NAALADL2: variants seen among roughly 807,000 people sequenced by gnomAD.
NAALADL2 encodes the protein inactive N-acetylated-alpha-linked acidic dipeptidase-like protein 2.
A neutral mutation model predicts 87.2 loss-of-function variants in NAALADL2; 76 were observed. The ratio of observed to expected loss-of-function variants is 0.87; its 90% CI spans 0.72 to 1.05. The LOEUF (loss-of-function observed/expected upper bound fraction) is 1.05. NAALADL2 is among the 50% of genes least tolerant of loss of function. NAALADL2 has a pLI of 0.00. For missense variants in NAALADL2, 1,089 were observed against 945.8 expected (o/e 1.15, Z -1.99); for synonymous variants, 354 against 331.0 (o/e 1.07, Z -0.75).
At chr3:174,571,053 G>A (rs968648177) in intron 2 of NAALADL2, among the ~76,000 whole-genome samples, 1 of 152,110 alleles carries the variant, frequency 6.6e-6, no homozygotes, top group Non-Finnish European at 1.5e-5. Context: ...TAGGTCTTGG[G>A]TTGGACCTGA....
At position 175,497,650 on chromosome 3, in the gene NAALADL2, T is replaced by C. The variant is rs375744474; in HGVS notation, c.1653+25892T>C. Among the ~76,000 whole-genome samples the C allele has an allele frequency of 1.3e-3, 204 of 151,498 alleles. 2 individuals carry two copies. The highest frequency in any genetic ancestry group is 4.7e-3 in the African/African-American group (193 of 40,800). ...ATCTAAATTCTCAAGGTCGGTACTGTTCTTTTTTTTATTTTTTTCCTTTGG... is the reference window on the plus strand; with the variant it reads ...ATCTAAATTCTCAAGGTCGGTACTGCTCTTTTTTTTATTTTTTTCCTTTGG... On this transcript the variant is annotated intron_variant, in intron 9 of 13. Transcript: ENST00000454872.
At chr3:175,548,602 T>C (rs767353507) in intron 9 of NAALADL2, among the ~76,000 whole-genome samples, 1 of 151,998 alleles carries the variant, frequency 6.6e-6, no homozygotes, top group Non-Finnish European at 1.5e-5. Flanking sequence ...AATAGTTGAG[T>C]GACATGGTAA....
rs539897194 is a variant in NAALADL2, at chr3:174,659,424, A to T, written c.-114-78217A>T. 1.1e-4 allele frequency among the ~76,000 whole-genome samples: 17 copies of T among 152,362 alleles called. No homozygotes were observed. In the South Asian group the frequency reaches 3.5e-3, roughly 32 times the overall value. ...TGCTACGTGTATTTGAAAGATAGAT[A>T]GCTAAAGAACTTACAAGACTGAACC... On this transcript the variant is annotated intron_variant, in intron 2 of 3. Transcript: ENST00000434257.
At chr3:174,957,984 GAC>G (rs1309174526) in intron 1 of NAALADL2, among the ~76,000 whole-genome samples, 1 of 151,714 alleles carries the variant, frequency 6.6e-6, no homozygotes, top group Non-Finnish European at 1.5e-5. Flanking sequence ...CTTTCTCTGG[GAC>G]ATCTTTTCTT....
chr3:174,561,583 A>G (rs182509270), intron 2 of NAALADL2, among the ~76,000 whole-genome samples: 4 of 152,172 alleles, frequency 2.6e-5, no homozygotes, highest in East Asian at 2.0e-4. Flanking sequence ...TCAAGTAGAG[A>G]GGATAATCAG....
chr3:174,819,051 A>ATTTTTTTTTTTTTT (rs1560255249), intron 3 of NAALADL2, among the ~76,000 whole-genome samples: 1 of 85,916 alleles, frequency 1.2e-5, no homozygotes, highest in African/African-American at 3.8e-5. Context: ...TTATTATACC[A>ATTTTTTTTTTTTTT]TTTATTCTTT....
chr3:174,470,460 CT>C (rs1186516383), intron 1 of NAALADL2, among the ~76,000 whole-genome samples: 1 of 152,094 alleles, frequency 6.6e-6, no homozygotes, highest in Non-Finnish European at 1.5e-5. Flanking sequence ...TGTCTGTTTA[CT>C]CCATTGATAG....
At chr3:174,854,833 T>G (rs1026535029), upstream of NAALADL2, among the ~76,000 whole-genome samples, 2 of 142,050 alleles carry the variant, frequency 1.4e-5, no homozygotes, top group South Asian at 4.4e-4. Flanking sequence ...TTGCTTTTTT[T>G]TCTTTTTTTT....
chr3:174,905,518 C>T (rs1732858171), intron 1 of NAALADL2, among the ~76,000 whole-genome samples: 1 of 151,906 alleles, frequency 6.6e-6, no homozygotes, highest in African/African-American at 2.4e-5. Flanking sequence ...AAGTCTTTTT[C>T]ATAAGACACA....
At chr3:175,401,492 G>A (rs973979712) in intron 5 of NAALADL2, among the ~76,000 whole-genome samples, 1 of 152,214 alleles carries the variant, frequency 6.6e-6, no homozygotes, top group African/African-American at 2.4e-5. Context: ...TAATCCTTAG[G>A]CAATTTAGTC....
At chr3:174,830,291 G>A (rs1425761561) in intron 3 of NAALADL2, among the ~76,000 whole-genome samples, 1 of 150,446 alleles carries the variant, frequency 6.6e-6, no homozygotes, top group Non-Finnish European at 1.5e-5. Context: ...ATCGATTTTT[G>A]TATAAGGTGT....
At chr3:175,176,499 A>T (rs1735709872) in intron 2 of NAALADL2, among the ~76,000 whole-genome samples, 1 of 152,100 alleles carries the variant, frequency 6.6e-6, no homozygotes, top group Non-Finnish European at 1.5e-5. Context: ...CCACATTCTA[A>T]CCCCTGTAAC....
intron 9 of NAALADL2, among the ~76,000 whole-genome samples, chr3:175,513,987 A>G (rs1264761126): frequency 1.3e-5 from 2 of 152,214 alleles, no homozygotes; most frequent in Admixed American, 6.5e-5. Context: ...ACCACAGGGC[A>G]ATCTACATGG....
chr3:174,760,665 T>C (rs1416150265), intron 3 of NAALADL2, among the ~76,000 whole-genome samples: 1 of 152,232 alleles, frequency 6.6e-6, no homozygotes, highest in Non-Finnish European at 1.5e-5. Flanking sequence ...CTTGCTGTCC[T>C]TGTTGCTGCT....
chr3:174,679,598 A>G (rs1727346040), intron 2 of NAALADL2, among the ~76,000 whole-genome samples: 1 of 152,144 alleles, frequency 6.6e-6, no homozygotes. Flanking sequence ...CTCTGTGGCC[A>G]GTGGCACCTT....
At chr3:174,777,047 C>T (rs1715297905) in intron 3 of NAALADL2, among the ~76,000 whole-genome samples, 1 of 152,014 alleles carries the variant, frequency 6.6e-6, no homozygotes, top group Non-Finnish European at 1.5e-5. Context: ...ATTTTAATCA[C>T]AAGAATAAGT....
At chr3:175,202,335 C>T (rs2109163801) in intron 2 of NAALADL2, among the ~76,000 whole-genome samples, 1 of 152,198 alleles carries the variant, frequency 6.6e-6, no homozygotes, top group Non-Finnish European at 1.5e-5. Context: ...CTTCCATTTC[C>T]TCTCCTCTCT....
intron 1 of NAALADL2, among the ~76,000 whole-genome samples, chr3:174,951,087 A>C (rs527447958): frequency 6.6e-6 from 1 of 152,270 alleles, no homozygotes; most frequent in African/African-American, 2.4e-5. Flanking sequence ...TTTTACATAA[A>C]AAGAGAATAA....
chr3:175,799,786 A>T (rs546496014), intron 13 of NAALADL2, among the ~76,000 whole-genome samples: 1 of 152,300 alleles, frequency 6.6e-6, no homozygotes, highest in Admixed American at 6.5e-5. Context: ...TCTGTATAAA[A>T]ATACATGTAT....
Sources: allele counts gnomAD v4.1 joint callset (sites outside exome capture counted in the v4.1 genomes callset), GRCh38; gene constraint gnomAD v4.1.1; transcripts MANE v1.5; gene names NCBI Gene and HGNC (gene_info 2026-07-23, HGNC 2026-07-21).